PCDHA2: variants seen among roughly 807,000 people sequenced by gnomAD.
PCDHA2 encodes the protein protocadherin alpha-2.
Under a neutral mutation model 66.0 loss-of-function variants are expected in PCDHA2, and 58 were observed. That is an observed-to-expected ratio of 0.88 (90% confidence interval 0.71 to 1.09). The LOEUF (loss-of-function observed/expected upper bound fraction) is 1.09, where lower values mean the gene tolerates loss of function less well. Ranked by LOEUF, PCDHA2 falls within the 50% of genes least tolerant of loss-of-function variation. The pLI, the probability that PCDHA2 is intolerant of heterozygous loss-of-function variation, is 0.00. For missense variants in PCDHA2, 1,267 were observed against 1,242.3 expected, an observed-to-expected ratio of 1.02 and a Z score of -0.30; for synonymous variants, 634 against 554.0, an observed-to-expected ratio of 1.14 and a Z score of -2.03.
In PCDHA2 at chr5:140,882,450, C is replaced by A. The variant is rs781827745; in HGVS notation, c.2388+85098C>A. On this transcript the variant is annotated intron_variant, in intron 1 of 3. Transcript: ENST00000526136. ...GGGCTGGAGCTGGCGGAGCTGGTGC[C>A]GCGCCTGTTCCGGGTGGCGTCCAAA... The A allele has an allele frequency of 1.7e-5, 28 of 1,613,872 alleles. No individual in the cohort carries two copies. In the East Asian group the frequency reaches 4.5e-4, roughly 26 times the overall value.
At chr5:140,880,554 A>T (rs546471112) in intron 1 of PCDHA2, among the ~76,000 whole-genome samples, 1 of 152,360 alleles carries the variant, frequency 6.6e-6, no homozygotes, top group South Asian at 2.1e-4. Flanking sequence ...ACTGATGGAA[A>T]TGAGGTTGAG....
intron 3 of PCDHA2, among the ~76,000 whole-genome samples, chr5:140,984,769 C>T (rs145432187): frequency 1.3e-5 from 2 of 152,194 alleles, no homozygotes; most frequent in African/African-American, 2.4e-5. Context: ...TAATCCCAAG[C>T]TTACTTGCTG....
chr5:140,968,587 C>T (rs1554230892), intron 1 of PCDHA2: 8 of 1,614,196 alleles, frequency 5.0e-6, no homozygotes, highest in Non-Finnish European at 6.8e-6. Context: ...TCACCAAAGT[C>T]ATAGCTATGG....
chr5:140,916,242 T>A (rs1554197354), intron 1 of PCDHA2, among the ~76,000 whole-genome samples: 1 of 152,208 alleles, frequency 6.6e-6, no homozygotes, highest in Non-Finnish European at 1.5e-5. Flanking sequence ...AGCCAAAGCC[T>A]GGACTTGGGG....
intron 1 of PCDHA2, among the ~76,000 whole-genome samples, chr5:140,920,671 C>T (rs1218067284): frequency 2.0e-5 from 3 of 151,960 alleles, no homozygotes; most frequent in African/African-American, 7.3e-5. Flanking sequence ...TGGTGAAACC[C>T]CATCTCTACT....
At chr5:140,988,860 T>C (rs1270376752) in intron 3 of PCDHA2, 2 of 152,204 alleles carry the variant, frequency 1.3e-5, no homozygotes, top group South Asian at 2.1e-4. Flanking sequence ...TCCAGTCTCA[T>C]GTGCACTCAG....
intron 1 of PCDHA2, among the ~76,000 whole-genome samples, chr5:140,873,732 C>T (rs1309470062): frequency 6.6e-6 from 1 of 152,166 alleles, no homozygotes; most frequent in African/African-American, 2.4e-5. Context: ...GCAATCTCAG[C>T]TCACTGCAAT....
intron 1 of PCDHA2, chr5:140,856,268 C>T: frequency 1.3e-6 from 2 of 1,598,206 alleles, no homozygotes; most frequent in Admixed American, 1.7e-5. Context: ...CGGGGACCTT[C>T]TGGAGGTAAA....
chr5:140,997,859 T>C (rs2097788506), intron 3 of PCDHA2, among the ~76,000 whole-genome samples: 1 of 152,216 alleles, frequency 6.6e-6, no homozygotes, highest in Non-Finnish European at 1.5e-5. Context: ...TACATATTTC[T>C]TATGCATGCT....
intron 1 of PCDHA2, among the ~76,000 whole-genome samples, chr5:140,974,552 C>A (rs1554236185): frequency 6.6e-6 from 1 of 152,112 alleles, no homozygotes; most frequent in Non-Finnish European, 1.5e-5. Context: ...GCTCTTGTTG[C>A]CCAGGCTGGA....
intron 3 of PCDHA2, among the ~76,000 whole-genome samples, chr5:140,993,462 T>TCA (rs3836747): frequency 0.1 from 14,588 of 140,880 alleles, 728 homozygotes; most frequent in Middle Eastern, 0.17. Context: ...TCTTTCTTTC[T>TCA]CACACACACA....
intron 3 of PCDHA2, among the ~76,000 whole-genome samples, chr5:140,983,987 C>T (rs1372272659): frequency 6.6e-6 from 1 of 152,126 alleles, no homozygotes; most frequent in East Asian, 1.9e-4. Context: ...CGAGTTGAAG[C>T]AATTCATTAG....
chr5:140,817,932 G>A (rs2150099646), intron 1 of PCDHA2, among the ~76,000 whole-genome samples: 2 of 152,206 alleles, frequency 1.3e-5, no homozygotes, highest in South Asian at 4.2e-4. Flanking sequence ...TGAGATGATG[G>A]CTGTCAAGTT....
intron 1 of PCDHA2, among the ~76,000 whole-genome samples, chr5:140,834,039 C>T (rs2150213066): frequency 6.6e-6 from 1 of 152,144 alleles, no homozygotes; most frequent in Non-Finnish European, 1.5e-5. Flanking sequence ...CATCAGTCGC[C>T]TAAGAATGCT....
intron 1 of PCDHA2, among the ~76,000 whole-genome samples, chr5:140,906,130 C>T (rs1554192409): frequency 6.6e-6 from 1 of 152,112 alleles, no homozygotes; most frequent in African/African-American, 2.4e-5. Flanking sequence ...AAATGTTAGT[C>T]TCCTTTGATA....
At chr5:140,870,292 G>A (rs782159013) in intron 1 of PCDHA2, 1 of 1,614,176 alleles carries the variant, frequency 6.2e-7, no homozygotes, top group Non-Finnish European at 8.5e-7. Context: ...CTTCAAGCTG[G>A]TGTCCACCTT....
intron 1 of PCDHA2, chr5:140,835,523 A>C: frequency 6.2e-7 from 1 of 1,613,916 alleles, no homozygotes; most frequent in Non-Finnish European, 8.5e-7. Context: ...GAGATTTTGG[A>C]GTCAACGGAC....
At chr5:141,000,768 A>G (rs1434125702) in intron 3 of PCDHA2, among the ~76,000 whole-genome samples, 43 of 151,864 alleles carry the variant, frequency 2.8e-4, no homozygotes, top group African/African-American at 4.8e-5. Context: ...TTAGCCAGGC[A>G]TAGTGGCGCA....
intron 1 of PCDHA2, among the ~76,000 whole-genome samples, chr5:140,890,543 C>T (rs1388914629): frequency 6.6e-6 from 1 of 152,012 alleles, no homozygotes; most frequent in Non-Finnish European, 1.5e-5. Context: ...TTTGAAATGA[C>T]TGAGTACTTT....
Sources: allele counts gnomAD v4.1 joint callset (sites outside exome capture counted in the v4.1 genomes callset), GRCh38; gene constraint gnomAD v4.1.1; transcripts MANE v1.5; gene names NCBI Gene and HGNC (gene_info 2026-07-23, HGNC 2026-07-21).